The following SLC7A1 variants were observed in gnomAD, a reference collection of about 807,000 sequenced individuals.
The protein encoded by SLC7A1 is solute carrier family 7 member 1, also known as high affinity cationic amino acid transporter 1.
Under a neutral mutation model 53.9 loss-of-function variants are expected in SLC7A1, and 10 were observed. That is an observed-to-expected ratio of 0.19 (90% CI 0.11 to 0.31). The LOEUF (loss-of-function observed/expected upper bound fraction) is 0.31. Among genes scored for constraint, SLC7A1 ranks in the 10% least tolerant of loss-of-function variants. The pLI, the probability that SLC7A1 is intolerant of heterozygous loss-of-function variation, is 1.00. For missense variants in SLC7A1, 525 were observed against 827.2 expected, an observed-to-expected ratio of 0.63 and a Z score of 4.48; for synonymous variants, 342 against 338.7, an observed-to-expected ratio of 1.01 and a Z score of -0.11.
chr13:29,548,851 A>T (rs536728241), intron 2 of SLC7A1, among the ~76,000 whole-genome samples: 1 of 152,336 alleles, frequency 6.6e-6, no homozygotes, highest in South Asian at 2.1e-4. Context: ...TACCATGGGG[A>T]TTATCTACGC....
At chr13:29,578,317 C>G (rs919117457) in intron 1 of SLC7A1, among the ~76,000 whole-genome samples, 1 of 152,052 alleles carries the variant, frequency 6.6e-6, no homozygotes, top group Non-Finnish European at 1.5e-5. Flanking sequence ...AAATCGAACT[C>G]TTTGCCATCC....
intron 11 of SLC7A1, 131 bp from the exon 12 acceptor site, chr13:29,516,377 G>C (rs1883555205): frequency 1.6e-6 from 1 of 633,358 alleles, no homozygotes; most frequent in Non-Finnish European, 2.9e-6. Flanking sequence ...AAGAGAGAGG[G>C]AGTGCCCACC....
Position 29,530,550 on chromosome 13 carries a change from A to T in SLC7A1, c.692T>A (p.Leu231His), listed in dbSNP as rs113542454. Reference sequence around the variant, plus strand: ...AGCAGCAACTCACTTGTTCAAACAGAGACGGCCTGATGTGTTCCCAAAATC... The same window carrying T: ...AGCAGCAACTCACTTGTTCAAACAGTGACGGCCTGATGTGTTCCCAAAATC... ...EEDFGNTSGR[L>H]CLNNDTKEGK... The change falls in exon 5 of 13, where the codon CTC (leucine) becomes CAC (histidine). Residue 231 changes from leucine (L) to histidine (H), a missense_variant. By Grantham distance (99) the Leu-to-His change is moderately conservative. Transcript: ENST00000380752. The T allele has an allele frequency of 1.9e-6, 3 of 1,614,120 alleles. No homozygotes were observed. Among genetic ancestry groups the T allele is most frequent in the Non-Finnish European group, 2.5e-6 (3 of 1,180,024 alleles).
intron 1 of SLC7A1, among the ~76,000 whole-genome samples, chr13:29,571,121 A>G (rs1001454073): frequency 6.6e-6 from 1 of 152,232 alleles, no homozygotes; most frequent in Non-Finnish European, 1.5e-5. Context: ...TGAAGGTATT[A>G]GGTTGGTGCA....
chr13:29,548,830 A>G (rs1870044048), intron 2 of SLC7A1, among the ~76,000 whole-genome samples: 1 of 152,248 alleles, frequency 6.6e-6, no homozygotes, highest in Non-Finnish European at 1.5e-5. Context: ...CGTAAAACAC[A>G]CACCCGTAGT....
chr13:29,535,767 G>C, intron 3 of SLC7A1, 52 bp downstream of exon 3: 1 of 1,570,692 alleles, frequency 6.4e-7, no homozygotes, highest in Non-Finnish European at 8.7e-7. Context: ...TTGGAGGTGG[G>C]AACAAACAGA....
chr13:29,534,966 A>ATT (rs1401829705), intron 3 of SLC7A1, among the ~76,000 whole-genome samples: 1 of 152,164 alleles, frequency 6.6e-6, no homozygotes, highest in African/African-American at 2.4e-5. Context: ...AACCGGAAAG[A>ATT]TTTTCTACAT....
rs773696707 is a variant in SLC7A1, at chr13:29,509,511, A to G, written c.*4969T>C. 1.3e-5 allele frequency: 2 copies of G among 152,678 alleles called. No homozygotes were observed. The highest frequency in any genetic ancestry group is 2.4e-5 in the African/African-American group (1 of 41,466). The allele number at this position is 152,678 out of a possible 1,614,324, so 9.5% of individuals were successfully genotyped here. A position where few individuals can be genotyped will look rare whatever the true frequency, so the allele number is the denominator to read the frequency against. The stretch of plus-strand genomic sequence containing the variant: ...CATAAAGTATGGTAGGAAGTGGTCA[A>G]TGTACACAGTGTTGTCAGCAAAAAG... On this transcript the variant is annotated 3_prime_UTR_variant, in exon 13 of 13. Transcript: ENST00000380752.
intron 2 of SLC7A1, among the ~76,000 whole-genome samples, chr13:29,545,879 C>A (rs1454040510): frequency 6.6e-6 from 1 of 152,212 alleles, no homozygotes; most frequent in Non-Finnish European, 1.5e-5. Flanking sequence ...CCAGAGAACA[C>A]CCGAAAAGTG....
Position 29,532,900 on chromosome 13 carries a change from G to A in SLC7A1, c.453C>T (p.His151=), listed in dbSNP as rs747555640. The stretch of plus-strand genomic sequence containing the variant: ...GCACGCCGGGGGCGTTCAGAGTCAT[G>A]TGTGTCCGTGAGAACTCCCCGATGG... The part of the protein sequence containing the change: ...GRPIGEFSRT[H]MTLNAPGVLA... The change falls in exon 4 of 13, where the codon CAC becomes CAT. Residue 151 remains histidine, a synonymous_variant. Transcript: ENST00000380752. 3.7e-6 allele frequency: 6 copies of A among 1,614,058 alleles called. No individual in the cohort carries two copies. Among genetic ancestry groups the A allele is most frequent in the African/African-American group, 2.7e-5 (2 of 74,938 alleles).
At chr13:29,529,236 C>T (rs149927761) in intron 5 of SLC7A1, among the ~76,000 whole-genome samples, 9 of 152,336 alleles carry the variant, frequency 5.9e-5, no homozygotes, top group African/African-American at 1.7e-4. Flanking sequence ...AGTGAAGTTT[C>T]GTGCACCGAA....
At chr13:29,520,316 T>G (rs1053491023) in intron 8 of SLC7A1, among the ~76,000 whole-genome samples, 2 of 151,840 alleles carry the variant, frequency 1.3e-5, no homozygotes, top group African/African-American at 4.8e-5. Flanking sequence ...GACACAGGCA[T>G]TAGTGGACAA....
chr13:29,574,937 C>T (rs1040877315), intron 1 of SLC7A1, among the ~76,000 whole-genome samples: 2 of 152,182 alleles, frequency 1.3e-5, no homozygotes, highest in South Asian at 2.1e-4. Context: ...AGCCACCGTG[C>T]GTGGCCAGAG....
At chr13:29,559,827 T>C (rs1207341772) in intron 1 of SLC7A1, among the ~76,000 whole-genome samples, 1 of 152,020 alleles carries the variant, frequency 6.6e-6, no homozygotes, top group Non-Finnish European at 1.5e-5. Context: ...GCCATTCTCC[T>C]GCCTCAGCCT....
chr13:29,580,037 A>T lies in SLC7A1; in HGVS notation c.-115+15379T>A, dbSNP rs4280096. 1.5e-3 allele frequency among the ~76,000 whole-genome samples: 223 copies of T among 152,298 alleles called. 1 individual carries two copies. Among genetic ancestry groups the T allele is most frequent in the African/African-American group, 5.1e-3 (210 of 41,580 alleles). ...CTCAGAGCTCTTTGGCGGATCCATAATCATGGAATGTCCCTGACTTCCTGT... is the reference window on the plus strand; with the variant it reads ...CTCAGAGCTCTTTGGCGGATCCATATTCATGGAATGTCCCTGACTTCCTGT... On this transcript the variant is annotated intron_variant, in intron 1 of 12. Transcript: ENST00000380752.
At chr13:29,567,214 G>A (rs569789230) in intron 1 of SLC7A1, among the ~76,000 whole-genome samples, 2 of 152,172 alleles carry the variant, frequency 1.3e-5, no homozygotes, top group Non-Finnish European at 2.9e-5. Context: ...AAATGGGGCA[G>A]GTTGCAGCAT....
chr13:29,582,983 A>G (rs932620959), intron 1 of SLC7A1, among the ~76,000 whole-genome samples: 1 of 152,244 alleles, frequency 6.6e-6, no homozygotes, highest in African/African-American at 2.4e-5. Context: ...CCCAATGTAC[A>G]CAACTACAAT....
chr13:29,532,733 G>A lies in SLC7A1; in HGVS notation c.529+91C>T, dbSNP rs1869221847. 3 of 1,157,922 alleles carry A rather than the reference G, an allele frequency of 2.6e-6. No individual in the cohort carries two copies. In the South Asian group the frequency reaches 5.0e-5, roughly 19 times the overall value. The allele number at this position is 1,157,922 out of a possible 1,614,324, so 71.7% of individuals were successfully genotyped here. A position where few individuals can be genotyped will look rare whatever the true frequency, so the allele number is the denominator to read the frequency against. ...AAAAGAAATGGGGGTTATGGTTAAA[G>A]AGATAAGTAAAGAAAGGAACTTAAC... On this transcript the variant is annotated intron_variant, in intron 4 of 12. Transcript: ENST00000380752.
At chr13:29,563,367 GGTTTTTTGAT>G (rs1870841785) in intron 1 of SLC7A1, among the ~76,000 whole-genome samples, 1 of 152,140 alleles carries the variant, frequency 6.6e-6, no homozygotes, top group African/African-American at 2.4e-5. Context: ...TACTTAAGTG[GGTTTTTTGAT>G]GTTTCACTAT....
Sources: gnomAD v4.1 joint callset for allele counts (sites outside exome capture counted in the v4.1 genomes callset) on GRCh38, gnomAD v4.1.1 for gene constraint, MANE v1.5 for transcripts, NCBI Gene and HGNC (gene_info 2026-07-23, HGNC 2026-07-21) for gene names.